MARCHF1: variants seen among roughly 807,000 people sequenced by gnomAD.
MARCHF1 encodes the protein membrane associated ring-CH-type finger 1, also known as E3 ubiquitin-protein ligase MARCHF1.
In MARCHF1, 40 loss-of-function variants were observed where a neutral mutation model predicts 54.2. That is an observed-to-expected ratio of 0.74 (90% CI 0.57 to 0.96). MARCHF1 has a LOEUF of 0.96. MARCHF1 is among the 40% of genes least tolerant of loss of function. MARCHF1 has a pLI of 0.00. For missense variants in MARCHF1, 586 were observed against 656.5 expected (o/e 0.89, Z 1.17); for synonymous variants, 236 against 236.3 (o/e 1.00, Z 0.01).
intron 4 of MARCHF1, among the ~76,000 whole-genome samples, chr4:163,793,858 G>A (rs1032235070): frequency 6.6e-6 from 1 of 152,108 alleles, no homozygotes; most frequent in African/African-American, 2.4e-5. Context: ...CCTTAGAGCT[G>A]TGAGCCCTTA....
At chr4:163,970,077 C>T (rs892247458) in intron 3 of MARCHF1, among the ~76,000 whole-genome samples, 1 of 152,164 alleles carries the variant, frequency 6.6e-6, no homozygotes, top group Non-Finnish European at 1.5e-5. Flanking sequence ...GAGATACAAC[C>T]TCCAATACAA....
intron 1 of MARCHF1, among the ~76,000 whole-genome samples, chr4:164,379,523 T>C (rs1731304066): frequency 6.6e-6 from 1 of 152,118 alleles, no homozygotes; most frequent in African/African-American, 2.4e-5. Flanking sequence ...TTCAAGAAGC[T>C]CTGCAAACTT....
chr4:164,071,659 G>A (rs1055812182), intron 2 of MARCHF1, among the ~76,000 whole-genome samples: 2 of 152,076 alleles, frequency 1.3e-5, no homozygotes, highest in South Asian at 4.1e-4. Context: ...CTGTTCCTTT[G>A]AGATGTTTTG....
intron 1 of MARCHF1, among the ~76,000 whole-genome samples, chr4:164,307,343 A>G (rs183024022): frequency 6.6e-6 from 1 of 152,384 alleles, no homozygotes; most frequent in Admixed American, 6.5e-5. Context: ...TGCATTAAAG[A>G]GGATGGAGCT....
intron 7 of MARCHF1, among the ~76,000 whole-genome samples, chr4:163,607,047 G>A (rs1256225310): frequency 6.6e-6 from 1 of 152,096 alleles, no homozygotes; most frequent in Non-Finnish European, 1.5e-5. Context: ...TATATAGGAA[G>A]TTTGTCTGCA....
chr4:164,025,968 C>T (rs1379327136), intron 2 of MARCHF1, among the ~76,000 whole-genome samples: 5 of 151,962 alleles, frequency 3.3e-5, no homozygotes, highest in Non-Finnish European at 2.9e-5. Flanking sequence ...TTAGAAAATA[C>T]AGAGGATATG....
At chr4:164,195,884 G>A (rs1579613215) in intron 1 of MARCHF1, among the ~76,000 whole-genome samples, 1 of 146,050 alleles carries the variant, frequency 6.8e-6, no homozygotes, top group East Asian at 2.0e-4. Flanking sequence ...GTGAGTTATT[G>A]GGACTTAAAA....
intron 5 of MARCHF1, among the ~76,000 whole-genome samples, chr4:163,614,923 A>G (rs1283736991): frequency 3.3e-5 from 5 of 152,122 alleles, no homozygotes; most frequent in African/African-American, 9.7e-5. Context: ...TTTCAAGGTG[A>G]AAAAAGGGAA....
intron 4 of MARCHF1, among the ~76,000 whole-genome samples, chr4:163,792,024 G>T (rs1285252654): frequency 6.6e-6 from 1 of 152,144 alleles, no homozygotes; most frequent in Non-Finnish European, 1.5e-5. Context: ...TGGATCTGGT[G>T]CTGAAGCCAT....
intron 2 of MARCHF1, among the ~76,000 whole-genome samples, chr4:164,009,624 A>T (rs535807460): frequency 6.6e-6 from 1 of 152,360 alleles, no homozygotes; most frequent in African/African-American, 2.4e-5. Context: ...CAGAAATGCA[A>T]GGATGGTTTA....
chr4:164,112,565 T>A (rs7697861), intron 1 of MARCHF1, among the ~76,000 whole-genome samples: 107,886 of 151,710 alleles, frequency 0.71, 39,673 homozygotes, highest in Non-Finnish European at 0.82. Flanking sequence ...CAGAGTTGTA[T>A]CTGTTTATGA....
intron 1 of MARCHF1, among the ~76,000 whole-genome samples, chr4:164,310,791 A>C (rs1014085247): frequency 9.2e-5 from 14 of 152,274 alleles, no homozygotes; most frequent in African/African-American, 3.1e-4. Context: ...TGAGAGATCA[A>C]ATAAGGTAAC....
chr4:164,057,352 T>A (rs1403593548), intron 2 of MARCHF1, among the ~76,000 whole-genome samples: 5 of 152,348 alleles, frequency 3.3e-5, no homozygotes, highest in Admixed American at 3.3e-4. Context: ...GAAGTTTCAT[T>A]AAAATTTCAA....
intron 3 of MARCHF1, among the ~76,000 whole-genome samples, chr4:163,941,704 T>C (rs980203146): frequency 1.3e-5 from 2 of 152,142 alleles, no homozygotes; most frequent in African/African-American, 2.4e-5. Flanking sequence ...GAACAGTTTG[T>C]GCTTAAGTAC....
At chr4:163,888,954 G>A (rs1390206387) in intron 3 of MARCHF1, among the ~76,000 whole-genome samples, 1 of 152,122 alleles carries the variant, frequency 6.6e-6, no homozygotes, top group African/African-American at 2.4e-5. Context: ...GTGTAAGCCT[G>A]TGTCTAAGTA....
At chr4:163,642,880 A>G (rs1742602353) in intron 5 of MARCHF1, among the ~76,000 whole-genome samples, 1 of 152,180 alleles carries the variant, frequency 6.6e-6, no homozygotes, top group Non-Finnish European at 1.5e-5. Context: ...GATTAAAATA[A>G]GAAAATAGAA....
intron 3 of MARCHF1, among the ~76,000 whole-genome samples, chr4:163,927,376 C>T (rs924390079): frequency 6.6e-6 from 1 of 151,692 alleles, no homozygotes; most frequent in Non-Finnish European, 1.5e-5. Context: ...CAGTTACATC[C>T]ATTGAAACTA....
chr4:163,892,459 C>T (rs1750681133), intron 3 of MARCHF1, among the ~76,000 whole-genome samples: 1 of 151,958 alleles, frequency 6.6e-6, no homozygotes, highest in African/African-American at 2.4e-5. Flanking sequence ...TTAGGAAATG[C>T]TGCTTGAGTT....
At chr4:163,714,779 C>T (rs375823754) in intron 4 of MARCHF1, among the ~76,000 whole-genome samples, 1 of 152,140 alleles carries the variant, frequency 6.6e-6, no homozygotes, top group South Asian at 2.1e-4. Flanking sequence ...AAGTGATCCT[C>T]CCACCTTAGC....
Sources: gnomAD v4.1 joint callset for allele counts (sites outside exome capture counted in the v4.1 genomes callset) on GRCh38, gnomAD v4.1.1 for gene constraint, MANE v1.5 for transcripts, NCBI Gene and HGNC (gene_info 2026-07-23, HGNC 2026-07-21) for gene names.